Variants in PPARGC1A observed in about 807,000 individuals in gnomAD.
PPARGC1A encodes the protein PPARG coactivator 1 alpha.
Under a neutral mutation model 88.7 loss-of-function variants are expected in PPARGC1A, and 25 were observed. The observed-to-expected ratio is 0.28, with a 90% CI of 0.21 to 0.39. The LOEUF is 0.39. PPARGC1A is among the 10% of genes least tolerant of loss of function. The pLI, the probability that PPARGC1A is intolerant of heterozygous loss-of-function variation, is 1.00. For synonymous variants in PPARGC1A, 363 were observed against 355.6 expected (o/e 1.02, Z -0.24); for missense variants, 880 against 968.7 (o/e 0.91, Z 1.22).
the PPARGC1A span, among the ~76,000 whole-genome samples, chr4:24,352,585 G>T: frequency 9.8e-5 from 15 of 152,310 alleles, no homozygotes; most frequent in South Asian, 2.7e-3. Flanking sequence ...CCTGGCCAAG[G>T]TCTGAGGACT....
chr4:23,824,615 A>T (rs1189962830), intron 5 of PPARGC1A, 107 bp from the exon 6 acceptor site: 1 of 942,366 alleles, frequency 1.1e-6, no homozygotes, highest in East Asian at 2.4e-5. Flanking sequence ...CTCAAAGACT[A>T]AACTAAGGAA....
At chr4:24,131,255 A>G in the PPARGC1A span, among the ~76,000 whole-genome samples, 2 of 152,226 alleles carry the variant, frequency 1.3e-5, no homozygotes, top group South Asian at 2.1e-4. Flanking sequence ...TCTGAGCAGC[A>G]AAGTTATATC....
At chr4:24,235,625 C>A in the PPARGC1A span, among the ~76,000 whole-genome samples, 2 of 152,132 alleles carry the variant, frequency 1.3e-5, no homozygotes, top group African/African-American at 4.8e-5. Context: ...GGACCAGAGC[C>A]ACCAAATCAA....
At chr4:23,901,479 G>A (rs1408053528), upstream of PPARGC1A, among the ~76,000 whole-genome samples, 1 of 151,480 alleles carries the variant, frequency 6.6e-6, no homozygotes, top group East Asian at 1.9e-4. Context: ...AGGAGGTGGA[G>A]GTTGCAGTGA....
At chr4:24,261,204 G>C in the PPARGC1A span, among the ~76,000 whole-genome samples, 57,989 of 151,880 alleles carry the variant, frequency 0.38, 11,804 homozygotes, top group Non-Finnish European at 0.46. Flanking sequence ...TAGCCTTCAT[G>C]TCTCATCACT....
chr4:24,288,732 G>C, the PPARGC1A span, among the ~76,000 whole-genome samples: 2 of 152,114 alleles, frequency 1.3e-5, no homozygotes, highest in African/African-American at 2.4e-5. Context: ...AACAGGATAA[G>C]AGGAATGGCT....
chr4:24,238,743 A>ATGTGTG, the PPARGC1A span, among the ~76,000 whole-genome samples: 595 of 118,620 alleles, frequency 5.0e-3, 12 homozygotes, highest in Middle Eastern at 0.017. Context: ...CCAAGGTTGT[A>ATGTGTG]TATGTGTGTG....
At chr4:24,328,526 G>T in the PPARGC1A span, among the ~76,000 whole-genome samples, 1 of 152,092 alleles carries the variant, frequency 6.6e-6, no homozygotes, top group Non-Finnish European at 1.5e-5. Context: ...AGCTCAAACT[G>T]CTCCTAGGAA....
At chr4:24,074,947 C>T in the PPARGC1A span, among the ~76,000 whole-genome samples, 1 of 152,134 alleles carries the variant, frequency 6.6e-6, no homozygotes, top group Non-Finnish European at 1.5e-5. Flanking sequence ...CTTTGTGCCC[C>T]CCATAGTTTC....
the PPARGC1A span, among the ~76,000 whole-genome samples, chr4:24,058,145 G>T: frequency 6.6e-6 from 1 of 152,178 alleles, no homozygotes; most frequent in South Asian, 2.1e-4. Flanking sequence ...CCCCAGAGGG[G>T]TGGCCTGGGG....
the PPARGC1A span, among the ~76,000 whole-genome samples, chr4:24,461,243 C>G: frequency 4.6e-5 from 7 of 152,224 alleles, no homozygotes; most frequent in Non-Finnish European, 1.0e-4. Flanking sequence ...TTAAATGATG[C>G]AAAGATCTTA....
intron 2 of PPARGC1A, among the ~76,000 whole-genome samples, chr4:23,832,098 T>A (rs1013142973): frequency 6.6e-6 from 1 of 152,166 alleles, no homozygotes; most frequent in Non-Finnish European, 1.5e-5. Context: ...ATTTAGAGAA[T>A]CTTGGACCTT....
chr4:24,125,161 T>A, the PPARGC1A span, among the ~76,000 whole-genome samples: 1 of 152,142 alleles, frequency 6.6e-6, no homozygotes, highest in African/African-American at 2.4e-5. Flanking sequence ...TGAGCCCAAG[T>A]TATATAGAGT....
chr4:23,839,854 G>A (rs946494999), intron 2 of PPARGC1A, among the ~76,000 whole-genome samples: 22 of 151,852 alleles, frequency 1.4e-4, no homozygotes, highest in African/African-American at 5.1e-4. Flanking sequence ...ATTAGATCTC[G>A]TGCGACCCAT....
chr4:24,072,023 A>G, the PPARGC1A span, among the ~76,000 whole-genome samples: 5 of 151,596 alleles, frequency 3.3e-5, no homozygotes, highest in Non-Finnish European at 7.4e-5. Flanking sequence ...AAGTAATGAT[A>G]TACACCTCTA....
chr4:24,372,349 G>A, the PPARGC1A span, among the ~76,000 whole-genome samples: 2 of 152,158 alleles, frequency 1.3e-5, no homozygotes, highest in Non-Finnish European at 2.9e-5. Flanking sequence ...CTCACACCTA[G>A]AAATTGTTGG....
the PPARGC1A span, among the ~76,000 whole-genome samples, chr4:24,321,648 A>AGCT: frequency 6.6e-6 from 1 of 152,242 alleles, no homozygotes; most frequent in Non-Finnish European, 1.5e-5. Flanking sequence ...ATTTGTCAGA[A>AGCT]GCTGCAGAAT....
At chr4:24,049,498 C>T in the PPARGC1A span, among the ~76,000 whole-genome samples, 7 of 151,304 alleles carry the variant, frequency 4.6e-5, no homozygotes, top group East Asian at 2.0e-4. Flanking sequence ...TCGGGGAAAA[C>T]GGGAAGAGAG....
the PPARGC1A span, among the ~76,000 whole-genome samples, chr4:24,173,484 C>T: frequency 5.9e-5 from 9 of 152,240 alleles, no homozygotes; most frequent in South Asian, 1.0e-3. Flanking sequence ...ATCACTGGAG[C>T]CCAAAAGTTG....
Sources: gnomAD v4.1 joint callset for allele counts (sites outside exome capture counted in the v4.1 genomes callset) on GRCh38, gnomAD v4.1.1 for gene constraint, MANE v1.5 for transcripts, NCBI Gene and HGNC (gene_info 2026-07-23, HGNC 2026-07-21) for gene names.